NRXN3: variants seen among roughly 807,000 people sequenced by gnomAD.
The protein encoded by NRXN3 is neurexin 3.
In NRXN3, 32 loss-of-function variants were observed where a neutral mutation model predicts 137.6. The observed-to-expected ratio is 0.23, with a 90% confidence interval of 0.18 to 0.31. NRXN3 has a LOEUF of 0.31. NRXN3 is among the 10% of genes least tolerant of loss of function. The pLI is 1.00. For missense variants in NRXN3, 1,574 were observed against 2,062.5 expected, an observed-to-expected ratio of 0.76 and a Z score of 4.59; for synonymous variants, 798 against 784.5, an observed-to-expected ratio of 1.02 and a Z score of -0.29.
chr14:79,519,190 T>TG (rs1555500588), intron 16 of NRXN3, among the ~76,000 whole-genome samples: 2 of 151,794 alleles, frequency 1.3e-5, no homozygotes, highest in Non-Finnish European at 2.9e-5. Flanking sequence ...ATTCTCTATC[T>TG]CCCAAGTTTT....
intron 8 of NRXN3, among the ~76,000 whole-genome samples, chr14:78,790,472 G>A (rs2098801998): frequency 6.6e-6 from 1 of 152,106 alleles, no homozygotes; most frequent in Non-Finnish European, 1.5e-5. Context: ...GGAACCGTTG[G>A]GTCTGTTTGG....
intron 4 of NRXN3, among the ~76,000 whole-genome samples, chr14:78,399,852 GA>G (rs763463632): frequency 7.7e-4 from 117 of 152,284 alleles, no homozygotes; most frequent in Non-Finnish European, 1.5e-3. Context: ...TAGAATGGTA[GA>G]AAAAGTCCTC....
At chr14:78,719,059 G>A (rs1454045248) in intron 8 of NRXN3, among the ~76,000 whole-genome samples, 1 of 152,198 alleles carries the variant, frequency 6.6e-6, no homozygotes, top group African/African-American at 2.4e-5. Context: ...TTCAATTGGT[G>A]AGCATCAAGT....
At chr14:79,773,570 T>C (rs2099086571) in intron 19 of NRXN3, among the ~76,000 whole-genome samples, 3 of 138,248 alleles carry the variant, frequency 2.2e-5, no homozygotes, top group Admixed American at 8.2e-5. Context: ...TAGGTGGGAA[T>C]TGAACAATGA....
chr14:79,558,978 AAGCTT>A (rs1274540643), intron 16 of NRXN3, among the ~76,000 whole-genome samples: 1 of 152,126 alleles, frequency 6.6e-6, no homozygotes, highest in Non-Finnish European at 1.5e-5. Flanking sequence ...AACTTCTGCT[AAGCTT>A]CCTACTTTTT....
intron 19 of NRXN3, among the ~76,000 whole-genome samples, chr14:79,772,406 A>G (rs1208232271): frequency 2.0e-5 from 3 of 152,192 alleles, no homozygotes; most frequent in Non-Finnish European, 4.4e-5. Flanking sequence ...GCAAAACAGC[A>G]TGGTACTGGT....
chr14:79,257,369 G>A (rs1199776280), intron 15 of NRXN3, among the ~76,000 whole-genome samples: 2 of 127,786 alleles, frequency 1.6e-5, no homozygotes, highest in Non-Finnish European at 1.7e-5. Flanking sequence ...TGGTGGTGGT[G>A]GTGGTGGTGG....
At chr14:78,533,090 C>A (rs1211114254) in intron 4 of NRXN3, among the ~76,000 whole-genome samples, 1 of 150,358 alleles carries the variant, frequency 6.7e-6, no homozygotes, top group African/African-American at 2.4e-5. Context: ...CTCTCTCTCT[C>A]CCTCCAGCCT....
intron 2 of NRXN3, among the ~76,000 whole-genome samples, chr14:78,261,702 C>G (rs1466980753): frequency 6.6e-6 from 1 of 152,176 alleles, no homozygotes; most frequent in Non-Finnish European, 1.5e-5. Flanking sequence ...CACAATCCAA[C>G]CTCCTTTTAT....
At chr14:79,028,955 A>T (rs1471208579) in intron 15 of NRXN3, among the ~76,000 whole-genome samples, 1 of 152,088 alleles carries the variant, frequency 6.6e-6, no homozygotes, top group East Asian at 1.9e-4. Context: ...TGGGATGGGG[A>T]TGAGGCTATG....
chr14:78,487,689 C>A (rs2153746357), intron 4 of NRXN3, among the ~76,000 whole-genome samples: 1 of 151,864 alleles, frequency 6.6e-6, no homozygotes, highest in East Asian at 1.9e-4. Context: ...TTGCAGTGAG[C>A]TGAGATCATG....
intron 15 of NRXN3, among the ~76,000 whole-genome samples, chr14:79,308,003 C>T (rs996297867): frequency 1.3e-4 from 20 of 152,034 alleles, no homozygotes; most frequent in Non-Finnish European, 2.6e-4. Flanking sequence ...AAATGGTGAT[C>T]TTGTCTCTCT....
intron 4 of NRXN3, among the ~76,000 whole-genome samples, chr14:78,510,432 A>G (rs2096081911): frequency 6.6e-6 from 1 of 152,120 alleles, no homozygotes; most frequent in Non-Finnish European, 1.5e-5. Flanking sequence ...TCACTATTAA[A>G]TTTTGTATTG....
intron 15 of NRXN3, among the ~76,000 whole-genome samples, chr14:79,109,319 C>T (rs4243662): frequency 0.96 from 146,578 of 152,280 alleles, 70,674 homozygotes; most frequent in Middle Eastern, 0.99. Flanking sequence ...TGATGATTCA[C>T]TAATCAAACT....
At chr14:78,260,674 G>GT (rs562391720) in intron 2 of NRXN3, among the ~76,000 whole-genome samples, 61 of 152,266 alleles carry the variant, frequency 4.0e-4, no homozygotes, top group African/African-American at 1.4e-3. Flanking sequence ...AAAAACGGGA[G>GT]TTTCCCTGCA....
intron 15 of NRXN3, among the ~76,000 whole-genome samples, chr14:79,165,814 C>CCTT (rs1316654630): frequency 6.6e-6 from 1 of 152,026 alleles, no homozygotes; most frequent in East Asian, 1.9e-4. Flanking sequence ...CCCCAAACCA[C>CCTT]CTTCCCTCCT....
chr14:78,625,902 T>C (rs771437349), intron 4 of NRXN3, among the ~76,000 whole-genome samples: 30 of 152,302 alleles, frequency 2.0e-4, no homozygotes, highest in Non-Finnish European at 3.8e-4. Flanking sequence ...TCCTCGATGC[T>C]ACCTCTTTCA....
At chr14:78,545,221 G>A (rs528708604) in intron 4 of NRXN3, among the ~76,000 whole-genome samples, 1 of 152,274 alleles carries the variant, frequency 6.6e-6, no homozygotes, top group South Asian at 2.1e-4. Context: ...GTGCTCTGAG[G>A]TCAAAAGGAA....
chr14:78,467,047 T>A (rs746679258), intron 4 of NRXN3, among the ~76,000 whole-genome samples: 3 of 152,092 alleles, frequency 2.0e-5, no homozygotes, highest in African/African-American at 7.2e-5. Context: ...TCTCTTTGAG[T>A]TGTTCTGCCT....
Sources: gnomAD v4.1 joint callset for allele counts (sites outside exome capture counted in the v4.1 genomes callset) on GRCh38, gnomAD v4.1.1 for gene constraint, MANE v1.5 for transcripts, NCBI Gene and HGNC (gene_info 2026-07-23, HGNC 2026-07-21) for gene names.